MED12L: variants seen among roughly 807,000 people sequenced by gnomAD.
The protein encoded by MED12L is mediator of RNA polymerase II transcription subunit 12-like protein.
In MED12L, 60 loss-of-function variants were observed where a neutral mutation model predicts 281.3. The ratio of observed to expected loss-of-function variants is 0.21; its 90% CI spans 0.17 to 0.26. The LOEUF is 0.26. Among genes scored for constraint, MED12L ranks in the 10% least tolerant of loss-of-function variants. The probability of loss-of-function intolerance (pLI) is 1.00; values close to 1 mark genes in which losing one functional copy is unlikely to be tolerated. For synonymous variants in MED12L, 974 were observed against 987.2 expected (o/e 0.99, Z 0.25); for missense variants, 2,146 against 2,680.9 (o/e 0.80, Z 4.41).
chr3:151,428,269 A>G (rs1354454581), intron 43 of MED12L, among the ~76,000 whole-genome samples: 1 of 152,258 alleles, frequency 6.6e-6, no homozygotes, highest in Non-Finnish European at 1.5e-5. Context: ...TACCTGGCAC[A>G]TAGTACAATA....
In MED12L at chr3:151,377,102, A is replaced by T; in HGVS notation, c.4240A>T (p.Ser1414Cys). ...DLNNSSNSGM[S>C]LFNPNSIGSA... ...AAATAATTCTTCTAATTCTGGCATG[A>T]GCCTCTTCAACCCAAACAGTATTGG... is the stretch of plus-strand genomic sequence containing the variant. The change falls in exon 30 of 45, where the codon AGC becomes TGC. Residue 1414 changes from serine to cysteine, a missense_variant. By Grantham distance (112) the Ser-to-Cys change is moderately radical. Coordinates refer to ENST00000687756, the MANE Select transcript of MED12L (RefSeq NM_001393769.1). 1 of 1,614,100 alleles carries T rather than the reference A, an allele frequency of 6.2e-7. No homozygotes were observed. The highest frequency in any genetic ancestry group is 8.5e-7 in the Non-Finnish European group (1 of 1,179,966).
At chr3:151,416,821 A>G (rs755047102) in intron 43 of MED12L, among the ~76,000 whole-genome samples, 5 of 152,182 alleles carry the variant, frequency 3.3e-5, no homozygotes, top group Non-Finnish European at 7.4e-5. Flanking sequence ...AATATTATCT[A>G]TTATCTTCAA....
intron 16 of MED12L, among the ~76,000 whole-genome samples, chr3:151,322,983 C>G (rs182275050): frequency 1.6e-4 from 25 of 152,304 alleles, no homozygotes; most frequent in Non-Finnish European, 3.1e-4. Flanking sequence ...ACTGATACCT[C>G]AAATGGAACA....
intron 16 of MED12L, among the ~76,000 whole-genome samples, chr3:151,246,735 A>G (rs2149420022): frequency 6.6e-6 from 1 of 152,360 alleles, no homozygotes; most frequent in Middle Eastern, 3.4e-3. Context: ...CTAAAACACC[A>G]AAAGCAATGG....
chr3:151,228,365 G>C (rs984805233), intron 16 of MED12L, among the ~76,000 whole-genome samples: 1 of 152,190 alleles, frequency 6.6e-6, no homozygotes, highest in Non-Finnish European at 1.5e-5. Flanking sequence ...CAAATACCTG[G>C]TGTGAGGCAG....
intron 16 of MED12L, among the ~76,000 whole-genome samples, chr3:151,224,731 A>G (rs1028881082): frequency 3.3e-5 from 5 of 152,154 alleles, no homozygotes; most frequent in Admixed American, 6.5e-5. Flanking sequence ...CACACTTCTC[A>G]GAAGCTGTCA....
chr3:151,336,528 T>C (rs1328660588), intron 16 of MED12L: 2 of 456,430 alleles, frequency 4.4e-6, no homozygotes, highest in East Asian at 6.9e-5. Context: ...TGTTCCTCCT[T>C]CTGTTTGAGA....
intron 17 of MED12L, among the ~76,000 whole-genome samples, chr3:151,353,165 T>C (rs1753451170): frequency 6.6e-6 from 1 of 152,200 alleles, no homozygotes; most frequent in East Asian, 1.9e-4. Flanking sequence ...TAGTAGGATC[T>C]ACTTCTTTAA....
At chr3:151,368,909 G>A (rs756733694) in intron 25 of MED12L, among the ~76,000 whole-genome samples, 1 of 151,456 alleles carries the variant, frequency 6.6e-6, no homozygotes, top group Admixed American at 6.6e-5. Flanking sequence ...CTATAGGCAT[G>A]CACCACCATG....
intron 11 of MED12L, among the ~76,000 whole-genome samples, chr3:151,173,041 G>T (rs1345139625): frequency 6.6e-6 from 1 of 151,722 alleles, no homozygotes; most frequent in Non-Finnish European, 1.5e-5. Flanking sequence ...AGATTGGAGT[G>T]GGCCTCTTGA....
rs562697625 is a variant in MED12L, at chr3:151,281,461, G to A, written c.2251-68598G>A. ...ATATTTTATTATGACTTTTAGCAAC[G>A]TAGGTAATGACTCTTTTCAACACTA... On this transcript the variant is annotated intron_variant, in intron 16 of 44. Transcript: ENST00000687756. 5.3e-5 allele frequency among the ~76,000 whole-genome samples: 8 copies of A among 151,980 alleles called. No homozygotes were observed. The South Asian group carries it at 6.3e-4, about 12-fold the overall frequency.
chr3:151,327,870 C>G (rs1749833695), intron 16 of MED12L: 1 of 713,998 alleles, frequency 1.4e-6, no homozygotes, highest in East Asian at 2.6e-5. Context: ...CTTTTCTGTA[C>G]ACGAGGATAA....
At chr3:151,214,101 C>T in intron 16 of MED12L, 2 of 1,614,134 alleles carry the variant, frequency 1.2e-6, no homozygotes, top group Non-Finnish European at 1.7e-6. Context: ...AAGGAAAAGT[C>T]AGGCTCATCA....
At chr3:151,414,131 T>A (rs1303921979) in intron 42 of MED12L, among the ~76,000 whole-genome samples, 1 of 152,136 alleles carries the variant, frequency 6.6e-6, no homozygotes, top group Non-Finnish European at 1.5e-5. Context: ...GGATTACAGG[T>A]GTGAGCCACC....
chr3:151,299,288 G>T (rs1237218327), intron 16 of MED12L, among the ~76,000 whole-genome samples: 1 of 152,194 alleles, frequency 6.6e-6, no homozygotes, highest in Middle Eastern at 3.4e-3. Flanking sequence ...ATTATAGGGT[G>T]TCACTACCAG....
intron 16 of MED12L, among the ~76,000 whole-genome samples, chr3:151,289,832 T>C (rs1326564822): frequency 1.3e-5 from 2 of 152,040 alleles, no homozygotes; most frequent in Non-Finnish European, 2.9e-5. Flanking sequence ...ATTCTAGGAG[T>C]TGCTGGGGAG....
chr3:151,102,719 C>T (rs1721539987), intron 2 of MED12L, among the ~76,000 whole-genome samples: 1 of 152,094 alleles, frequency 6.6e-6, no homozygotes, highest in African/African-American at 2.4e-5. Context: ...AAGTGATCGT[C>T]GCCTGGGCCT....
chr3:151,253,993 T>C (rs893425116), intron 16 of MED12L, among the ~76,000 whole-genome samples: 1 of 114,490 alleles, frequency 8.7e-6, no homozygotes, highest in African/African-American at 3.3e-5. Context: ...GTTTTGATTT[T>C]TTCTTGTTTT....
intron 2 of MED12L, among the ~76,000 whole-genome samples, chr3:151,088,545 G>A (rs7645665): frequency 0.18 from 27,144 of 152,088 alleles, 2,385 homozygotes; most frequent in East Asian, 0.29. Flanking sequence ...TCTTTCCAGA[G>A]GGCAGCATAA....
Sources: allele counts gnomAD v4.1 joint callset (sites outside exome capture counted in the v4.1 genomes callset), GRCh38; gene constraint gnomAD v4.1.1; transcripts MANE v1.5; gene names NCBI Gene and HGNC (gene_info 2026-07-23, HGNC 2026-07-21).